Variants in TTC7B observed in about 807,000 individuals in gnomAD.
The protein encoded by TTC7B is tetratricopeptide repeat domain 7B, also known as tetratricopeptide repeat protein 7B.
In TTC7B, 28 loss-of-function variants were observed where a neutral mutation model predicts 106.8. The ratio of observed to expected loss-of-function variants is 0.26; its 90% CI spans 0.19 to 0.36. TTC7B has a LOEUF of 0.36. Among genes scored for constraint, TTC7B ranks in the 10% least tolerant of loss-of-function variants. The pLI is 1.00. For synonymous variants in TTC7B, 405 were observed against 430.6 expected, an observed-to-expected ratio of 0.94 and a Z score of 0.74; for missense variants, 862 against 1,076.4, an observed-to-expected ratio of 0.80 and a Z score of 2.79.
chr14:90,536,832 C>T lies in TTC7B; in HGVS notation c.*4536G>A, dbSNP rs1451632942. 1 of 152,398 alleles carries T rather than the reference C, an allele frequency of 6.6e-6. No individual in the cohort carries two copies. The highest frequency in any genetic ancestry group is 1.5e-5 in the Non-Finnish European group (1 of 68,148). 9.4% of individuals were successfully genotyped at this position (152,398 alleles called of 1,614,324 possible). ...GCCCTGGAACCTGTGACTATGTTGCCTTCCATGACAGATGGAGCGATGCAG... is the reference window on the plus strand; with the variant it reads ...GCCCTGGAACCTGTGACTATGTTGCTTTCCATGACAGATGGAGCGATGCAG... On this transcript the variant is annotated 3_prime_UTR_variant, in exon 20 of 20. Transcript: ENST00000328459.
At chr14:90,662,564 A>C (rs1435063835) in intron 9 of TTC7B, among the ~76,000 whole-genome samples, 1 of 152,146 alleles carries the variant, frequency 6.6e-6, no homozygotes, top group Non-Finnish European at 1.5e-5. Context: ...GGAATACACA[A>C]CCTGAATGGC....
intron 9 of TTC7B, among the ~76,000 whole-genome samples, chr14:90,665,460 T>C (rs1365372567): frequency 6.6e-6 from 1 of 152,170 alleles, no homozygotes; most frequent in East Asian, 1.9e-4. Flanking sequence ...ATGAGAAGCT[T>C]TTCTGGCATC....
At chr14:90,775,251 A>G (rs910201599) in intron 3 of TTC7B, among the ~76,000 whole-genome samples, 2 of 152,160 alleles carry the variant, frequency 1.3e-5, no homozygotes, top group Non-Finnish European at 2.9e-5. Flanking sequence ...CAAGGGATAC[A>G]TAAGAATAAA....
chr14:90,607,299 C>G (rs533059667), intron 17 of TTC7B, among the ~76,000 whole-genome samples: 1 of 152,204 alleles, frequency 6.6e-6, no homozygotes. Context: ...GGCAGGATCT[C>G]GAAAGTGGAA....
chr14:90,687,954 C>T (rs985827250), intron 7 of TTC7B, among the ~76,000 whole-genome samples: 3 of 152,182 alleles, frequency 2.0e-5, no homozygotes, highest in African/African-American at 7.2e-5. Context: ...TGAAGAAATG[C>T]CGACTCCTCT....
chr14:90,705,685 A>G (rs1460027856), intron 5 of TTC7B, among the ~76,000 whole-genome samples: 1 of 152,214 alleles, frequency 6.6e-6, no homozygotes, highest in Non-Finnish European at 1.5e-5. Flanking sequence ...ACCACATGCC[A>G]ATGAACAGCC....
At chr14:90,701,544 G>A (rs34475377) in intron 5 of TTC7B, among the ~76,000 whole-genome samples, 20,160 of 151,770 alleles carry the variant, frequency 0.13, 1,628 homozygotes, top group Middle Eastern at 0.21. Flanking sequence ...AGAGCAACTC[G>A]CCTGCCCTTC....
At chr14:90,689,405 A>T in intron 7 of TTC7B, 135 bp downstream of exon 7, 1 of 763,898 alleles carries the variant, frequency 1.3e-6, no homozygotes, top group Non-Finnish European at 2.1e-6. Context: ...ATCTCTACTA[A>T]ACTGGAAAAT....
Position 90,776,140 on chromosome 14 carries a change from G to GACACACACACACACACACAC in TTC7B, c.445+4578_445+4597dup, listed in dbSNP as rs370873395. Among the ~76,000 whole-genome samples the GACACACACACACACACACAC allele has an allele frequency of 3.3e-3, 463 of 140,364 alleles. 9 individuals carry two copies. The highest frequency in any genetic ancestry group is 0.01 in the African/African-American group (368 of 36,350). The allele number at this position is 140,364 out of a possible 152,430, so 92.1% of individuals were successfully genotyped here. On this transcript the variant is annotated intron_variant, in intron 3 of 19. Coordinates refer to ENST00000328459, the MANE Select transcript of TTC7B (RefSeq NM_001010854.2). ...AGCAGGGCAGGAGAGGGCCCCCCGTGACACACACACACACACACACACACA... is the reference window on the plus strand; with the variant it reads ...AGCAGGGCAGGAGAGGGCCCCCCGTGACACACACACACACACACACACACACACACACACACACACACACA...
At chr14:90,646,430 T>C (rs1315291853) in intron 14 of TTC7B, among the ~76,000 whole-genome samples, 2 of 152,198 alleles carry the variant, frequency 1.3e-5, no homozygotes, top group African/African-American at 4.8e-5. Flanking sequence ...TAGTGTTAAG[T>C]CCCCTTTTTC....
At chr14:90,619,467 G>T (rs1034662141) in intron 15 of TTC7B, among the ~76,000 whole-genome samples, 5 of 152,024 alleles carry the variant, frequency 3.3e-5, no homozygotes, top group Non-Finnish European at 7.4e-5. Flanking sequence ...CCCAAACCCA[G>T]CCAAAACCCC....
chr14:90,763,123 A>G (rs990082793), intron 3 of TTC7B, among the ~76,000 whole-genome samples: 3 of 152,236 alleles, frequency 2.0e-5, no homozygotes, highest in Non-Finnish European at 4.4e-5. Flanking sequence ...GAATATAGGT[A>G]TTAAAATCCC....
At chr14:90,560,279 C>T (rs772472233) in intron 19 of TTC7B, among the ~76,000 whole-genome samples, 20 of 152,178 alleles carry the variant, frequency 1.3e-4, no homozygotes, top group East Asian at 3.8e-4. Context: ...TCCAAGCTAC[C>T]GAGGTGATGT....
At chr14:90,795,318 C>A (rs143533341) in intron 1 of TTC7B, among the ~76,000 whole-genome samples, 7 of 152,220 alleles carry the variant, frequency 4.6e-5, no homozygotes, top group African/African-American at 1.2e-4. Context: ...GAGCCCACTA[C>A]GGCCTTGAGA....
chr14:90,790,059 G>A (rs932045182), intron 1 of TTC7B, among the ~76,000 whole-genome samples: 3 of 151,978 alleles, frequency 2.0e-5, no homozygotes, highest in African/African-American at 7.3e-5. Flanking sequence ...GTGGTCAATA[G>A]CTACATGTAG....
intron 15 of TTC7B, among the ~76,000 whole-genome samples, chr14:90,627,817 G>C (rs922038481): frequency 7.2e-5 from 11 of 152,188 alleles, no homozygotes; most frequent in African/African-American, 2.7e-4. Context: ...AGAAACCCCA[G>C]TTTGGCTCAT....
chr14:90,707,606 G>T (rs1478392865), intron 5 of TTC7B, among the ~76,000 whole-genome samples: 2 of 152,072 alleles, frequency 1.3e-5, no homozygotes, highest in Non-Finnish European at 1.5e-5. Context: ...ACACACAAAT[G>T]ATAAAAATAA....
In TTC7B at chr14:90,604,869, T is replaced by G. The variant is rs145924947; in HGVS notation, c.1966+5873A>C. Among the ~76,000 whole-genome samples the G allele has an allele frequency of 1.8e-4, 27 of 152,338 alleles. No homozygotes were observed. The East Asian group carries it at 5.2e-3, about 29-fold the overall frequency. The stretch of plus-strand genomic sequence containing the variant: ...CGACTTTCAAAATTTCCGTGTTATT[T>G]AAAAGCAAGATTAGACTAAAATACT... On this transcript the variant is annotated intron_variant, in intron 17 of 19. Coordinates refer to ENST00000328459, the MANE Select transcript of TTC7B (RefSeq NM_001010854.2).
At chr14:90,589,423 A>G (rs905641670) in intron 18 of TTC7B, among the ~76,000 whole-genome samples, 8 of 152,218 alleles carry the variant, frequency 5.3e-5, no homozygotes, top group Non-Finnish European at 1.0e-4. Flanking sequence ...TGTGTGTTTT[A>G]AATCATCTCT....
Sources: allele counts gnomAD v4.1 joint callset (sites outside exome capture counted in the v4.1 genomes callset), GRCh38; gene constraint gnomAD v4.1.1; transcripts MANE v1.5; gene names NCBI Gene and HGNC (gene_info 2026-07-23, HGNC 2026-07-21).